The following KHDRBS2 variants were observed in gnomAD, a reference collection of about 807,000 sequenced individuals.
KHDRBS2 encodes KH domain-containing, RNA-binding, signal transduction-associated protein 2.
KHDRBS2 carries 26 observed loss-of-function variants against 44.3 expected under a neutral mutation model. The observed-to-expected ratio is 0.59, with a 90% confidence interval of 0.43 to 0.81. The LOEUF (loss-of-function observed/expected upper bound fraction) is 0.81, where lower values mean the gene tolerates loss of function less well. KHDRBS2 is among the 40% of genes least tolerant of loss of function. The pLI, the probability that KHDRBS2 is intolerant of heterozygous loss-of-function variation, is 0.00. For missense variants in KHDRBS2, 476 were observed against 433.1 expected (o/e 1.10, Z -0.88); for synonymous variants, 194 against 151.1 (o/e 1.28, Z -2.08).
At chr6:62,198,854 C>A (rs1406241926) in intron 1 of KHDRBS2, among the ~76,000 whole-genome samples, 2 of 152,124 alleles carry the variant, frequency 1.3e-5, no homozygotes, top group South Asian at 2.1e-4. Flanking sequence ...TACTGGCAAA[C>A]CGAATCCAGC....
intron 2 of KHDRBS2, among the ~76,000 whole-genome samples, chr6:62,074,402 G>T (rs1197197627): frequency 6.6e-6 from 1 of 151,686 alleles, no homozygotes; most frequent in African/African-American, 2.4e-5. Flanking sequence ...ATTTAAGATG[G>T]TCTTTGTGAC....
intron 2 of KHDRBS2, among the ~76,000 whole-genome samples, chr6:62,089,174 C>A (rs1799010005): frequency 6.6e-6 from 1 of 151,686 alleles, no homozygotes; most frequent in African/African-American, 2.4e-5. Flanking sequence ...GGGTGGGATC[C>A]CCTGAGCTAG....
At chr6:62,171,520 T>C (rs1317266349) in intron 2 of KHDRBS2, among the ~76,000 whole-genome samples, 1 of 152,152 alleles carries the variant, frequency 6.6e-6, no homozygotes, top group East Asian at 1.9e-4. Context: ...TTGAGGATAT[T>C]GTCCGCAACA....
At chr6:62,222,635 C>A (rs888625499) in intron 1 of KHDRBS2, among the ~76,000 whole-genome samples, 10 of 152,114 alleles carry the variant, frequency 6.6e-5, no homozygotes, top group African/African-American at 2.4e-4. Flanking sequence ...TATCATACCT[C>A]CCCTGGCCCC....
intron 3 of KHDRBS2, among the ~76,000 whole-genome samples, chr6:62,030,264 T>A (rs1191369916): frequency 6.6e-6 from 1 of 152,076 alleles, no homozygotes; most frequent in Non-Finnish European, 1.5e-5. Context: ...CTTTGGTGAG[T>A]ACTCCCTTAG....
At chr6:62,082,125 A>T (rs1253201284) in intron 2 of KHDRBS2, among the ~76,000 whole-genome samples, 7 of 152,172 alleles carry the variant, frequency 4.6e-5, no homozygotes, top group African/African-American at 1.4e-4. Flanking sequence ...AAAATTTAAG[A>T]CTCATCTCTT....
At chr6:61,956,679 A>T (rs1022999801) in intron 4 of KHDRBS2, among the ~76,000 whole-genome samples, 1 of 152,102 alleles carries the variant, frequency 6.6e-6, no homozygotes, top group African/African-American at 2.4e-5. Flanking sequence ...CATTCTCTGC[A>T]CACCCCTATA....
intron 6 of KHDRBS2, among the ~76,000 whole-genome samples, chr6:61,867,079 G>A (rs1220537866): frequency 2.6e-5 from 4 of 152,136 alleles, no homozygotes; most frequent in South Asian, 2.1e-4. Flanking sequence ...CTTTTCAGCA[G>A]AGCCCCACTC....
the KHDRBS2 span, among the ~76,000 whole-genome samples, chr6:61,556,148 T>C: frequency 6.6e-6 from 1 of 152,142 alleles, no homozygotes; most frequent in African/African-American, 2.4e-5. Context: ...CTGGGGTCCA[T>C]GCGCATTCAC....
the KHDRBS2 span, among the ~76,000 whole-genome samples, chr6:61,592,620 G>GCT: frequency 1.3e-5 from 2 of 152,142 alleles, no homozygotes; most frequent in African/African-American, 4.8e-5. Context: ...CTGTCTGCAG[G>GCT]CTCTCTGAAT....
At chr6:61,676,735 C>T (rs1384430824), downstream of KHDRBS2, among the ~76,000 whole-genome samples, 2 of 151,842 alleles carry the variant, frequency 1.3e-5, no homozygotes, top group Non-Finnish European at 2.9e-5. Context: ...GCCTCCCAGA[C>T]TCCCCTTTAG....
the KHDRBS2 span, among the ~76,000 whole-genome samples, chr6:61,607,088 T>A: frequency 4.6e-5 from 7 of 152,048 alleles, no homozygotes; most frequent in South Asian, 1.4e-3. Context: ...AGGATACGCA[T>A]GATTAATTTT....
In KHDRBS2 at chr6:62,108,238, A is replaced by G. The variant is rs1444705634; in HGVS notation, c.220-60244T>C. Among the ~76,000 whole-genome samples, 20 of 152,312 alleles carry G rather than the reference A, an allele frequency of 1.3e-4. No individual in the cohort carries two copies. The South Asian group carries it at 4.1e-3, about 32-fold the overall frequency. On this transcript the variant is annotated intron_variant, in intron 2 of 8. Transcript: ENST00000281156. ...TCCAGAATCTACAATGAGCTCAAAC[A>G]AATTTAGAAGAAAAAAACAAAGAAC... is the stretch of plus-strand genomic sequence containing the variant.
the KHDRBS2 span, among the ~76,000 whole-genome samples, chr6:61,635,448 G>A: frequency 6.6e-6 from 1 of 151,950 alleles, no homozygotes; most frequent in African/African-American, 2.4e-5. Flanking sequence ...CATCTTTTTA[G>A]AGGGAATGAA....
At chr6:62,037,155 T>G (rs1785455715) in intron 3 of KHDRBS2, among the ~76,000 whole-genome samples, 1 of 151,958 alleles carries the variant, frequency 6.6e-6, no homozygotes, top group African/African-American at 2.4e-5. Context: ...TTATTAGTAT[T>G]AAATAAAATG....
chr6:62,111,254 C>T (rs1296450255), intron 2 of KHDRBS2, among the ~76,000 whole-genome samples: 1 of 152,030 alleles, frequency 6.6e-6, no homozygotes, highest in Non-Finnish European at 1.5e-5. Context: ...TTCCCTTAGA[C>T]ACAGATAACA....
the KHDRBS2 span, among the ~76,000 whole-genome samples, chr6:61,638,401 TG>T: frequency 2.0e-5 from 3 of 152,022 alleles, no homozygotes; most frequent in Non-Finnish European, 2.9e-5. Context: ...AAACAAGCAA[TG>T]GGGAAAGGAT....
intron 6 of KHDRBS2, among the ~76,000 whole-genome samples, chr6:61,789,281 T>G (rs887158038): frequency 1.3e-5 from 2 of 151,278 alleles, no homozygotes; most frequent in Non-Finnish European, 3.0e-5. Flanking sequence ...AAGCAAAACT[T>G]GAGTATTTAA....
At chr6:61,749,886 T>C (rs1052246764) in intron 6 of KHDRBS2, among the ~76,000 whole-genome samples, 1 of 152,166 alleles carries the variant, frequency 6.6e-6, no homozygotes, top group African/African-American at 2.4e-5. Flanking sequence ...TTCCAAGTCT[T>C]TGATGATTAA....
Sources: allele counts gnomAD v4.1 joint callset (sites outside exome capture counted in the v4.1 genomes callset), GRCh38; gene constraint gnomAD v4.1.1; transcripts MANE v1.5; gene names NCBI Gene and HGNC (gene_info 2026-07-23, HGNC 2026-07-21).